The following SPINK8 variants were observed in gnomAD, a reference collection of about 807,000 sequenced individuals.
SPINK8 encodes serine protease inhibitor Kazal-type 8.
Under a neutral mutation model 14.4 loss-of-function variants are expected in SPINK8, and 12 were observed. That is an observed-to-expected ratio of 0.83 (90% CI 0.53 to 1.35). The LOEUF is 1.35. Among genes scored for constraint, SPINK8 ranks in the 40% most tolerant of loss-of-function variants. SPINK8 has a pLI of 0.00. For synonymous variants in SPINK8, 32 were observed against 37.6 expected (o/e 0.85, Z 0.55); for missense variants, 103 against 117.0 (o/e 0.88, Z 0.55).
intron 4 of SPINK8, among the ~76,000 whole-genome samples, chr3:48,321,876 G>T (rs1231119069): frequency 6.7e-6 from 1 of 149,832 alleles, no homozygotes; most frequent in Non-Finnish European, 1.5e-5. Flanking sequence ...GCATTGACAC[G>T]ATATCAGCTC....
chr3:48,325,534 C>T (rs2036127182), intron 4 of SPINK8, among the ~76,000 whole-genome samples: 2 of 151,794 alleles, frequency 1.3e-5, no homozygotes, highest in South Asian at 4.2e-4. Context: ...AAGTGCTTCT[C>T]CTGCCTCAGC....
At chr3:48,317,120 G>C (rs546363306) in intron 6 of SPINK8, among the ~76,000 whole-genome samples, 11 of 152,344 alleles carry the variant, frequency 7.2e-5, no homozygotes, top group African/African-American at 2.6e-4. Flanking sequence ...GTGAATGGGT[G>C]TACAATGAAT....
intron 6 of SPINK8, among the ~76,000 whole-genome samples, chr3:48,313,184 C>G (rs531741799): frequency 6.6e-6 from 1 of 152,154 alleles, no homozygotes; most frequent in African/African-American, 2.4e-5. Context: ...AGGACATTAT[C>G]ATGAAAGTAA....
intron 6 of SPINK8, among the ~76,000 whole-genome samples, chr3:48,310,646 C>T (rs553878754): frequency 4.6e-5 from 7 of 152,020 alleles, no homozygotes; most frequent in East Asian, 3.9e-4. Context: ...TACAGGCATG[C>T]GCCACCAGGC....
At chr3:48,323,467 T>G (rs2036101886) in intron 4 of SPINK8, among the ~76,000 whole-genome samples, 1 of 152,240 alleles carries the variant, frequency 6.6e-6, no homozygotes, top group Non-Finnish European at 1.5e-5. Flanking sequence ...TCTTTTTGTT[T>G]TTGTTGTTCC....
At chr3:48,319,132 CT>C (rs778584145) in intron 6 of SPINK8, among the ~76,000 whole-genome samples, 1 of 152,192 alleles carries the variant, frequency 6.6e-6, no homozygotes, top group Non-Finnish European at 1.5e-5. Context: ...CTTCCTCTTC[CT>C]CTTCTTTTTG....
intron 6 of SPINK8, among the ~76,000 whole-genome samples, chr3:48,313,156 A>G (rs1160761027): frequency 2.0e-5 from 3 of 152,234 alleles, no homozygotes; most frequent in Non-Finnish European, 4.4e-5. Context: ...CATCAAAATT[A>G]AAAACTTTGT....
At chr3:48,308,816 A>G (rs2035884809) in intron 7 of SPINK8, among the ~76,000 whole-genome samples, 2 of 152,226 alleles carry the variant, frequency 1.3e-5, no homozygotes, top group Non-Finnish European at 2.9e-5. Flanking sequence ...TTTGAAGTTA[A>G]AAGTTTAAAA....
At chr3:48,307,442 A>G (rs539566071) in intron 7 of SPINK8, among the ~76,000 whole-genome samples, 2 of 121,738 alleles carry the variant, frequency 1.6e-5, no homozygotes, top group African/African-American at 6.6e-5. Flanking sequence ...TCCTTCTTCC[A>G]CTTCCTCTTC....
Position 48,309,905 on chromosome 3 carries a change from C to T in SPINK8, c.281G>A (p.Cys94Tyr), listed in dbSNP as rs372152504. Reference sequence around the variant, plus strand: ...AAAAATAAAAGTGTCTTTACTTACACATTGTCCATCATACAGTTTAGTTAT... The same window carrying T: ...AAAAATAAAAGTGTCTTTACTTACATATTGTCCATCATACAGTTTAGTTAT... ...LNITKLYDGQ[C>Y]ENS is the part of the protein sequence containing the mutation. The change falls in exon 7 of 8, where the codon TGT becomes TAT. Residue 94 changes from cysteine to tyrosine, a missense_variant and splice_region_variant. Cys to Tyr is a radical substitution (Grantham distance 194, BLOSUM62 -2). Coordinates refer to ENST00000434006, the MANE Select transcript of SPINK8 (RefSeq NM_001080525.3). 448 of 1,451,696 alleles carry T rather than the reference C, an allele frequency of 3.1e-4. 5 individuals are homozygous for T. The South Asian group carries it at 5.6e-3, about 18-fold the overall frequency. 89.9% of individuals were successfully genotyped at this position (1,451,696 alleles called of 1,614,324 possible).
intron 7 of SPINK8, 114 bp from the exon 8 acceptor site, chr3:48,307,117 C>T (rs2035859681): frequency 1.9e-6 from 2 of 1,043,366 alleles, no homozygotes; most frequent in Admixed American, 2.3e-5. Flanking sequence ...CAATTATTCT[C>T]TGAATTAAGG....
In SPINK8 at chr3:48,309,920, A is replaced by C. The variant is rs374518594; in HGVS notation, c.266T>G (p.Leu89Arg). 20 of 1,448,344 alleles carry C rather than the reference A, an allele frequency of 1.4e-5. No homozygotes were observed. The highest frequency in any genetic ancestry group is 1.8e-5 in the Non-Finnish European group (20 of 1,102,328). 89.7% of individuals were successfully genotyped at this position (1,448,344 alleles called of 1,614,324 possible). The change falls in exon 7 of 8, where the codon CTG becomes CGG. Residue 89 changes from leucine to arginine, a missense_variant. Coordinates refer to ENST00000434006, the MANE Select transcript of SPINK8 (RefSeq NM_001080525.3). ...TTTACTTACACATTGTCCATCATAC[A>C]GTTTAGTTATGTTAAGCCCTTCAAA... ...ILFEGLNITK[L>R]YDGQCENS
At chr3:48,307,181 G>A (rs1366918424) in intron 7 of SPINK8, among the ~76,000 whole-genome samples, 178 bp from the exon 8 acceptor site, 2 of 152,108 alleles carry the variant, frequency 1.3e-5, no homozygotes, top group Non-Finnish European at 2.9e-5. Context: ...AGTGAAAGTC[G>A]GTGGAAAAGA....
intron 6 of SPINK8, among the ~76,000 whole-genome samples, chr3:48,318,125 G>C (rs1349359908): frequency 6.6e-6 from 1 of 151,958 alleles, no homozygotes; most frequent in Non-Finnish European, 1.5e-5. Context: ...GTAATATCCA[G>C]TGCAACTGCT....
At chr3:48,314,554 A>G (rs1575341832) in intron 6 of SPINK8, among the ~76,000 whole-genome samples, 2 of 152,122 alleles carry the variant, frequency 1.3e-5, no homozygotes, top group East Asian at 1.9e-4. Context: ...TGGTGTTGGA[A>G]TGCCTTCAAT....
intron 6 of SPINK8, among the ~76,000 whole-genome samples, chr3:48,317,419 C>T (rs970996559): frequency 5.3e-5 from 8 of 152,012 alleles, no homozygotes; most frequent in Non-Finnish European, 1.2e-4. Context: ...ACCCAGGAGG[C>T]AGAGGTTGCA....
chr3:48,315,276 T>G (rs4380430), intron 6 of SPINK8, among the ~76,000 whole-genome samples: 1 of 152,154 alleles, frequency 6.6e-6, no homozygotes, highest in African/African-American at 2.4e-5. Flanking sequence ...TTATTCAAAA[T>G]ATTCAATTTT....
At chr3:48,331,853 C>T (rs13061269) in intron 2 of SPINK8, among the ~76,000 whole-genome samples, 32,187 of 152,124 alleles carry the variant, frequency 0.21, 4,272 homozygotes, top group South Asian at 0.3. Flanking sequence ...CTGAGAAGGC[C>T]GCGCTAGTGT....
At chr3:48,317,383 GA>G (rs888557358) in intron 6 of SPINK8, among the ~76,000 whole-genome samples, 10 of 152,066 alleles carry the variant, frequency 6.6e-5, no homozygotes, top group Admixed American at 6.5e-5. Flanking sequence ...AGCTACTCGG[GA>G]AGCTGAGGCA....
Sources: gnomAD v4.1 joint callset for allele counts (sites outside exome capture counted in the v4.1 genomes callset) on GRCh38, gnomAD v4.1.1 for gene constraint, MANE v1.5 for transcripts, NCBI Gene and HGNC (gene_info 2026-07-23, HGNC 2026-07-21) for gene names.